The following USH2A variants were observed in gnomAD, a reference collection of about 807,000 sequenced individuals.
The protein encoded by USH2A is Usher syndrome 2A (autosomal recessive, mild).
USH2A carries 443 observed loss-of-function variants against 538.9 expected under a neutral mutation model. The ratio of observed to expected loss-of-function variants is 0.82; its 90% CI spans 0.76 to 0.89. The LOEUF is 0.89. Ranked by LOEUF, USH2A falls within the 40% of genes least tolerant of loss-of-function variation. The probability of loss-of-function intolerance (pLI) is 0.00; values close to 1 mark genes in which losing one functional copy is unlikely to be tolerated. For missense variants in USH2A, 6,633 were observed against 6,324.8 expected (o/e 1.05, Z -1.65); for synonymous variants, 2,413 against 2,273.5 (o/e 1.06, Z -1.75).
At chr1:215,762,213 C>T (rs1450824935) in intron 56 of USH2A, among the ~76,000 whole-genome samples, 1 of 152,134 alleles carries the variant, frequency 6.6e-6, no homozygotes, top group Non-Finnish European at 1.5e-5. Context: ...TTCAACCAAT[C>T]AGAGTTTTGA....
intron 3 of USH2A, among the ~76,000 whole-genome samples, chr1:216,397,521 C>A (rs2039231686): frequency 6.6e-6 from 1 of 152,178 alleles, no homozygotes; most frequent in African/African-American, 2.4e-5. Context: ...GGTGTGTCTA[C>A]AGTAAAGCAG....
chr1:216,363,476 A>T (rs1208575208), intron 4 of USH2A, among the ~76,000 whole-genome samples: 1 of 152,132 alleles, frequency 6.6e-6, no homozygotes, highest in African/African-American at 2.4e-5. Context: ...GTTGGCACCA[A>T]ATAGGATATT....
intron 35 of USH2A, among the ~76,000 whole-genome samples, chr1:215,989,435 T>C (rs1157980916): frequency 6.6e-6 from 1 of 152,172 alleles, no homozygotes; most frequent in Non-Finnish European, 1.5e-5. Flanking sequence ...TGAGAATTCA[T>C]TTATATGGAT....
intron 4 of USH2A, among the ~76,000 whole-genome samples, chr1:216,340,761 TA>T (rs2038061772): frequency 6.6e-6 from 1 of 152,058 alleles, no homozygotes; most frequent in Non-Finnish European, 1.5e-5. Flanking sequence ...ATCATCTCGA[TA>T]GATGTAGAAA....
chr1:215,968,348 T>C (rs1185693647), intron 36 of USH2A, among the ~76,000 whole-genome samples: 1 of 152,082 alleles, frequency 6.6e-6, no homozygotes, highest in African/African-American at 2.4e-5. Flanking sequence ...GTTGCTGTTG[T>C]TGCTGCTGTT....
intron 58 of USH2A, among the ~76,000 whole-genome samples, chr1:215,745,454 G>A (rs1660444521): frequency 6.6e-6 from 1 of 152,106 alleles, no homozygotes; most frequent in Non-Finnish European, 1.5e-5. Context: ...TGTTATGCCA[G>A]GCAACACGCA....
At chr1:216,069,595 A>G (rs2031490976) in intron 30 of USH2A, among the ~76,000 whole-genome samples, 1 of 152,178 alleles carries the variant, frequency 6.6e-6, no homozygotes, top group South Asian at 2.1e-4. Context: ...ATATTTCATT[A>G]TAATCATTCT....
intron 32 of USH2A, among the ~76,000 whole-genome samples, chr1:216,003,743 G>A (rs1221259215): frequency 2.0e-5 from 3 of 152,046 alleles, no homozygotes; most frequent in African/African-American, 7.2e-5. Flanking sequence ...AAGAATTTTG[G>A]TTTTTAATCT....
intron 61 of USH2A, among the ~76,000 whole-genome samples, chr1:215,698,580 T>C (rs1658894955): frequency 6.6e-6 from 1 of 152,236 alleles, no homozygotes; most frequent in South Asian, 2.1e-4. Context: ...ACCAGTGATA[T>C]GAGGCTTTTT....
At chr1:215,743,474 A>T (rs1660376039) in intron 58 of USH2A, 139 bp from the exon 59 acceptor site, 1 of 266,314 alleles carries the variant, frequency 3.8e-6, no homozygotes, top group East Asian at 8.7e-5. Flanking sequence ...ACACATATAT[A>T]TATAAATAAA....
intron 61 of USH2A, among the ~76,000 whole-genome samples, chr1:215,709,565 G>A (rs1361042218): frequency 1.4e-5 from 2 of 146,556 alleles, no homozygotes; most frequent in Non-Finnish European, 3.0e-5. Flanking sequence ...AAGAGCACAA[G>A]TAACTCACTT....
At chr1:216,117,441 A>G (rs1379224406) in intron 21 of USH2A, among the ~76,000 whole-genome samples, 2 of 152,096 alleles carry the variant, frequency 1.3e-5, no homozygotes, top group African/African-American at 2.4e-5. Context: ...ACTTAATTTC[A>G]TTTTCCTTAG....
At chr1:215,626,546 G>A (rs1656033058) in intron 71 of USH2A, among the ~76,000 whole-genome samples, 1 of 152,044 alleles carries the variant, frequency 6.6e-6, no homozygotes, top group Non-Finnish European at 1.5e-5. Context: ...GGTTAGTAAT[G>A]TTGGTTATAA....
At chr1:216,221,366 CCCGA>C (rs1486983069) in intron 14 of USH2A, among the ~76,000 whole-genome samples, 1 of 152,116 alleles carries the variant, frequency 6.6e-6, no homozygotes, top group East Asian at 1.9e-4. Context: ...TTTGGTTTTC[CCCGA>C]TTAACAGAGG....
intron 11 of USH2A, among the ~76,000 whole-genome samples, chr1:216,261,449 CAAA>C (rs200708104): frequency 3.7e-5 from 3 of 81,388 alleles, no homozygotes; most frequent in African/African-American, 8.1e-5. Context: ...ATTCTATATC[CAAA>C]AAAAAAAAAA....
intron 55 of USH2A, among the ~76,000 whole-genome samples, chr1:215,774,902 T>C (rs972975544): frequency 6.7e-6 from 1 of 149,546 alleles, no homozygotes; most frequent in Non-Finnish European, 1.5e-5. Context: ...CACACTTTTT[T>C]TTTTCTTTTT....
Position 216,336,685 on chromosome 1 carries a change from A to T in USH2A, c.785-9031T>A, listed in dbSNP as rs191554231. On this transcript the variant is annotated intron_variant, in intron 4 of 71. Transcript: ENST00000307340. ...ATGGAAAAAGAATACTCTTCTTTCC[A>T]AGAACGGTCCTGGAATATTGGATAT... Among the ~76,000 whole-genome samples, 13 of 151,642 alleles carry T rather than the reference A, an allele frequency of 8.6e-5. No homozygotes were observed. The East Asian group carries it at 2.5e-3, about 29-fold the overall frequency.
At chr1:215,986,119 C>A (rs924186158) in intron 35 of USH2A, among the ~76,000 whole-genome samples, 6 of 151,610 alleles carry the variant, frequency 4.0e-5, no homozygotes, top group African/African-American at 1.2e-4. Context: ...ATGCTTCTCC[C>A]TCTCTCTCTT....
intron 61 of USH2A, among the ~76,000 whole-genome samples, chr1:215,681,182 C>T (rs1333946903): frequency 6.6e-6 from 1 of 152,076 alleles, no homozygotes; most frequent in Non-Finnish European, 1.5e-5. Context: ...ACATATTTGG[C>T]ATAACTAAAC....
Sources: allele counts gnomAD v4.1 joint callset (sites outside exome capture counted in the v4.1 genomes callset), GRCh38; gene constraint gnomAD v4.1.1; transcripts MANE v1.5; gene names NCBI Gene and HGNC (gene_info 2026-07-23, HGNC 2026-07-21).